The following MIGA2 variants were observed in gnomAD, a reference collection of about 807,000 sequenced individuals.
MIGA2 encodes the protein mitoguardin 2.
A neutral mutation model predicts 69.9 loss-of-function variants in MIGA2; 36 were observed. The ratio of observed to expected loss-of-function variants is 0.52; its 90% CI spans 0.39 to 0.68. The LOEUF is 0.68. Ranked by LOEUF, MIGA2 falls within the 30% of genes least tolerant of loss-of-function variation. The probability of loss-of-function intolerance (pLI) is 0.00; values close to 1 mark genes in which losing one functional copy is unlikely to be tolerated. For synonymous variants in MIGA2, 333 were observed against 349.2 expected, an observed-to-expected ratio of 0.95 and a Z score of 0.52; for missense variants, 660 against 787.7, an observed-to-expected ratio of 0.84 and a Z score of 1.94.
Position 129,070,694 on chromosome 9 carries a change from A to G in MIGA2, c.*241A>G. 1 of 541,292 alleles carries G rather than the reference A, an allele frequency of 1.8e-6. No homozygotes were observed. Among genetic ancestry groups the G allele is most frequent in the Non-Finnish European group, 3.3e-6 (1 of 307,068 alleles). 33.5% of individuals were successfully genotyped at this position (541,292 alleles called of 1,614,324 possible). Reference sequence around the variant, plus strand: ...GCTGTGAGAGAGGGGGTTGTTGTGGAGAATTGGGACAGGCAGAGCCAGGAT... The same window carrying G: ...GCTGTGAGAGAGGGGGTTGTTGTGGGGAATTGGGACAGGCAGAGCCAGGAT... On this transcript the variant is annotated 3_prime_UTR_variant, in exon 16 of 16. Coordinates refer to ENST00000684074, the MANE Select transcript of MIGA2 (RefSeq NM_001329990.2).
chr9:129,063,743 C>T (rs1158648141), intron 11 of MIGA2, 112 bp downstream of exon 11: 3 of 971,864 alleles, frequency 3.1e-6, no homozygotes, highest in Non-Finnish European at 4.7e-6. Flanking sequence ...CACGTTCCTC[C>T]TACTCCGTTC....
At chr9:129,039,412 A>AT (rs1434183218) in intron 1 of MIGA2, among the ~76,000 whole-genome samples, 1 of 150,820 alleles carries the variant, frequency 6.6e-6, no homozygotes, top group Non-Finnish European at 1.5e-5. Context: ...CGCCCGGCTA[A>AT]TTTTTTGTAT....
chr9:129,042,450 G>A lies in MIGA2; in HGVS notation c.243G>A (p.Gly81=). 1 of 1,610,184 alleles carries A rather than the reference G, an allele frequency of 6.2e-7. No individual in the cohort carries two copies. The highest frequency in any genetic ancestry group is 8.5e-7 in the Non-Finnish European group (1 of 1,178,658). Residue 81 remains glycine (G), a synonymous_variant, in exon 3 of 16, where the codon GGG becomes GGA. Transcript: ENST00000684074. The stretch of plus-strand genomic sequence containing the variant: ...AGCAGGTTGGTCCCGAGATGGGAGG[G>A]GAGCAGCTGGGCACGGTGCCCCTCC... ...RKKQVGPEMG[G]EQLGTVPLPI...
intron 6 of MIGA2, chr9:129,051,239 G>C (rs1845514937): frequency 5.9e-6 from 1 of 169,278 alleles, no homozygotes; most frequent in South Asian, 1.9e-4. Context: ...CAACATCCAA[G>C]TTTTCAACAG....
At chr9:129,048,313 G>A (rs1845339129) in intron 3 of MIGA2, 114 bp from the exon 4 acceptor site, 5 of 895,180 alleles carry the variant, frequency 5.6e-6, no homozygotes, top group Non-Finnish European at 9.2e-6. Flanking sequence ...TGACTTAGAA[G>A]GTCGGGACCG....
In MIGA2 at chr9:129,068,775, C is replaced by T. The variant is rs907204860; in HGVS notation, c.1405-301C>T. 6.5e-5 allele frequency: 31 copies of T among 476,322 alleles called. No individual in the cohort carries two copies. Among genetic ancestry groups the T allele is most frequent in the African/African-American group, 4.9e-4 (25 of 51,442 alleles). The allele number at this position is 476,322 out of a possible 1,614,324, so 29.5% of individuals were successfully genotyped here. Reference sequence around the variant, plus strand: ...AGGCTTCTGCGAGGTGGTTTACAGGCGGGAACCATTGCTCCCACAACCACC... The same window carrying T: ...AGGCTTCTGCGAGGTGGTTTACAGGTGGGAACCATTGCTCCCACAACCACC... On this transcript the variant is annotated intron_variant, in intron 13 of 15. Coordinates refer to ENST00000684074, the MANE Select transcript of MIGA2 (RefSeq NM_001329990.2). The surrounding 1 kb of genome is among the most constrained non-coding windows in gnomAD (Gnocchi z 4.1).
At position 129,052,338 on chromosome 9, in the gene MIGA2, G is replaced by A. The variant is rs544416212; in HGVS notation, c.675+2375G>A. On this transcript the variant is annotated intron_variant, in intron 6 of 15. Transcript: ENST00000684074. ...GGGTTTTACCATGTTGGCCAGGGTG[G>A]TCTCGAACTCCTAACTTCAAGTGAT... is the stretch of plus-strand genomic sequence containing the variant. 1.0e-4 allele frequency among the ~76,000 whole-genome samples: 14 copies of A among 139,504 alleles called. No individual in the cohort carries two copies. In the South Asian group the frequency reaches 3.0e-3, roughly 30 times the overall value. The allele number at this position is 139,504 out of a possible 152,430, so 91.5% of individuals were successfully genotyped here. A position where few individuals can be genotyped will look rare whatever the true frequency, so the allele number is the denominator to read the frequency against.
chr9:129,042,330 G>A lies in MIGA2; in HGVS notation c.123G>A (p.Thr41=), dbSNP rs751586902. 8.7e-6 allele frequency: 14 copies of A among 1,612,424 alleles called. No homozygotes were observed. The highest frequency in any genetic ancestry group is 5.3e-5 in the African/African-American group (4 of 74,862). The part of the protein sequence containing the change: ...GQSAFSQLRL[T]PGLRKVLFAT... ...CTGCATTCTCCCAGCTACGGTTGAC[G>A]CCAGGCCTGCGGAAAGTCCTCTTTG... Residue 41 remains threonine (T), a synonymous_variant, in exon 3 of 16, where the codon ACG becomes ACA. Coordinates refer to ENST00000684074, the MANE Select transcript of MIGA2 (RefSeq NM_001329990.2).
Position 129,060,554 on chromosome 9 carries a change from G to C in MIGA2, c.798G>C (p.Arg266Ser). 1.3e-6 allele frequency: 2 copies of C among 1,593,952 alleles called. No homozygotes were observed. Among genetic ancestry groups the C allele is most frequent in the Non-Finnish European group, 1.7e-6 (2 of 1,169,722 alleles). Residue 266 changes from arginine to serine, a missense_variant, in exon 8 of 16, where the codon AGG becomes AGC. Arg to Ser is a moderately radical substitution (Grantham distance 110). Transcript: ENST00000684074. The surrounding 1 kb of genome is among the most constrained non-coding windows in gnomAD (Gnocchi z 4.8). ...TTCTCTCACTGCTCTTCCCAGAGAG[G>C]ACCCTCATGCTGCCCCTGACCGAGG... ...PADSMLLDLE[R>S]TLMLPLTEGS...
chr9:129,070,261 G>A lies in MIGA2; in HGVS notation c.1590G>A (p.Gln530=). 1 of 1,612,972 alleles carries A rather than the reference G, an allele frequency of 6.2e-7. No homozygotes were observed. The highest frequency in any genetic ancestry group is 8.5e-7 in the Non-Finnish European group (1 of 1,179,934). The change falls in exon 16 of 16, where the codon CAG becomes CAA. Residue 530 remains glutamine (Q), a synonymous_variant. Coordinates refer to ENST00000684074, the MANE Select transcript of MIGA2 (RefSeq NM_001329990.2). Reference sequence around the variant, plus strand: ...TGCTCCCCCAGCACCAGATTGTGCAGTACCTGAGGGACATGTTCGACCTGG... The same window carrying A: ...TGCTCCCCCAGCACCAGATTGTGCAATACCTGAGGGACATGTTCGACCTGG... ...VCAFFKHQIV[Q]YLRDMFDLDN...
At chr9:129,048,949 C>T (rs1329038226) in intron 4 of MIGA2, among the ~76,000 whole-genome samples, 2 of 152,162 alleles carry the variant, frequency 1.3e-5, no homozygotes, top group Non-Finnish European at 2.9e-5. Context: ...AGCTATGAGC[C>T]AGGCTGGCAC....
intron 11 of MIGA2, 95 bp from the exon 12 acceptor site, chr9:129,067,678 C>T: frequency 8.9e-7 from 1 of 1,126,170 alleles, no homozygotes; most frequent in Non-Finnish European, 1.3e-6. Context: ...TGGGGATGGG[C>T]CCCAGCCGTG....
intron 3 of MIGA2, among the ~76,000 whole-genome samples, chr9:129,046,139 C>T (rs1249403334): frequency 6.6e-6 from 1 of 152,036 alleles, no homozygotes; most frequent in Non-Finnish European, 1.5e-5. Context: ...AGGTGTGAGC[C>T]ACTGCGCCCG....
rs1349583061 is a variant in MIGA2 at position 129,059,810 on chromosome 9, AACCCT to A, written c.793+540_793+544del. ...CACCCTGGCCCCTCCCTGTGCACTC[AACCCT>A]GTGGGACCCTCAGACTCCTGAGGGT... On this transcript the variant is annotated intron_variant, in intron 7 of 15. Transcript: ENST00000684074. This position sits in a 1 kb window ranked among gnomAD's most constrained non-coding sequence, Gnocchi z 5.6. Among the ~76,000 whole-genome samples the A allele has an allele frequency of 3.3e-5, 5 of 152,118 alleles. No homozygotes were observed. The highest frequency in any genetic ancestry group is 6.6e-5 in the Admixed American group (1 of 15,264).
At chr9:129,051,750 C>T (rs1174145998) in intron 6 of MIGA2, among the ~76,000 whole-genome samples, 2 of 151,034 alleles carry the variant, frequency 1.3e-5, no homozygotes, top group Non-Finnish European at 2.9e-5. Context: ...GTGCCTGCCA[C>T]CATGCCCGGC....
At chr9:129,049,676 A>G in intron 5 of MIGA2, 151 bp from the exon 6 acceptor site, 1 of 1,328,240 alleles carries the variant, frequency 7.5e-7, no homozygotes, top group East Asian at 2.3e-5. Context: ...ACCTGGTCTG[A>G]AAGAAGGCCT....
Position 129,067,870 on chromosome 9 carries a change from G to T in MIGA2, c.1268G>T (p.Gly423Val), listed in dbSNP as rs773807904. Residue 423 changes from glycine (G) to valine (V), a missense_variant and splice_region_variant, in exon 12 of 16, where the codon GGG becomes GTG. Coordinates refer to ENST00000684074, the MANE Select transcript of MIGA2 (RefSeq NM_001329990.2). ...ATTRLELEGR[G>V]VVCMSFFDIV... ...ACACGGCTGGAGCTGGAGGGCCGAGGGGTGAGTTGCTTTGTGCTGAACCCC... is the reference window on the plus strand; with the variant it reads ...ACACGGCTGGAGCTGGAGGGCCGAGTGGTGAGTTGCTTTGTGCTGAACCCC... 1.2e-6 allele frequency: 2 copies of T among 1,610,524 alleles called. No individual in the cohort carries two copies. Among genetic ancestry groups the T allele is most frequent in the Non-Finnish European group, 1.7e-6 (2 of 1,178,842 alleles).
rs568937761 is a variant in MIGA2 at position 129,059,120 on chromosome 9, G to A, written c.676-34G>A. On this transcript the variant is annotated intron_variant, in intron 6 of 15. Transcript: ENST00000684074. This position sits in a 1 kb window ranked among gnomAD's most constrained non-coding sequence, Gnocchi z 5.6. ...GGGCCATTTTCATCGGGAGCTTTGA[G>A]GGTCTGGGTTGAGGGTCCTTGTTTT... The A allele has an allele frequency of 1.9e-6, 3 of 1,593,030 alleles. No individual in the cohort carries two copies. Among genetic ancestry groups the A allele is most frequent in the East Asian group, 4.5e-5 (2 of 44,600 alleles).
chr9:129,052,459 A>G (rs939200831), intron 6 of MIGA2, among the ~76,000 whole-genome samples: 1 of 151,868 alleles, frequency 6.6e-6, no homozygotes, highest in African/African-American at 2.4e-5. Flanking sequence ...TCAGGAAAGG[A>G]AAATGAAGTT....
Sources: gnomAD v4.1 joint callset for allele counts (sites outside exome capture counted in the v4.1 genomes callset) on GRCh38, gnomAD v4.1.1 for gene constraint, Gnocchi (gnomAD v3.1) non-coding constraint, MANE v1.5 for transcripts, NCBI Gene and HGNC (gene_info 2026-07-23, HGNC 2026-07-21) for gene names.